The following WWC1 variants were observed in gnomAD, a reference collection of about 807,000 sequenced individuals.
WWC1 encodes protein KIBRA.
WWC1 carries 55 observed loss-of-function variants against 138.4 expected under a neutral mutation model. The observed-to-expected ratio is 0.40, with a 90% CI of 0.32 to 0.50. The LOEUF (loss-of-function observed/expected upper bound fraction) is 0.50, where lower values mean the gene tolerates loss of function less well. Among genes scored for constraint, WWC1 ranks in the 20% least tolerant of loss-of-function variants. The probability of loss-of-function intolerance (pLI) is 0.72; values close to 1 mark genes in which losing one functional copy is unlikely to be tolerated. For missense variants in WWC1, 1,226 were observed against 1,420.4 expected, an observed-to-expected ratio of 0.86 and a Z score of 2.20; for synonymous variants, 524 against 564.9, an observed-to-expected ratio of 0.93 and a Z score of 1.03.
chr5:168,337,654 G>T (rs1773607493), intron 1 of WWC1, among the ~76,000 whole-genome samples: 1 of 152,252 alleles, frequency 6.6e-6, no homozygotes, highest in Admixed American at 6.5e-5. Context: ...GGATCTTATA[G>T]TCTAGTGTTT....
chr5:168,369,446 A>G (rs1183866884), intron 1 of WWC1, among the ~76,000 whole-genome samples: 2 of 152,188 alleles, frequency 1.3e-5, no homozygotes, highest in Non-Finnish European at 1.5e-5. Flanking sequence ...TCTGTTGCCC[A>G]GCTTGTAATG....
At chr5:168,295,137 T>C (rs1359572128) in intron 1 of WWC1, among the ~76,000 whole-genome samples, 1 of 152,172 alleles carries the variant, frequency 6.6e-6, no homozygotes, top group East Asian at 1.9e-4. Flanking sequence ...GCATACCCCA[T>C]TTTTGCCTTT....
intron 13 of WWC1, among the ~76,000 whole-genome samples, chr5:168,429,617 G>A (rs551851949): frequency 1.3e-5 from 2 of 151,984 alleles, no homozygotes; most frequent in Non-Finnish European, 2.9e-5. Flanking sequence ...AATTTCACCC[G>A]CATTTATGGG....
At position 168,444,741 on chromosome 5, in the gene WWC1, T is replaced by G. The variant is rs531803343; in HGVS notation, c.2525+156T>G. Among the ~76,000 whole-genome samples the G allele has an allele frequency of 2.0e-5, 3 of 152,290 alleles. No homozygotes were observed. The South Asian group carries it at 6.2e-4, about 32-fold the overall frequency. On this transcript the variant is annotated intron_variant, in intron 17 of 22. Transcript: ENST00000265293. ...GTTCTCTACAGGCAAAAAGGCAATG[T>G]AACCTAGTACGATGGTTCCCAGAAT...
At chr5:168,387,700 G>A (rs1174530656) in intron 3 of WWC1, among the ~76,000 whole-genome samples, 1 of 152,144 alleles carries the variant, frequency 6.6e-6, no homozygotes, top group African/African-American at 2.4e-5. Flanking sequence ...ATCCCATCGT[G>A]AGGAGCCTAC....
At position 168,394,051 on chromosome 5, in the gene WWC1, G is replaced by A. The variant is rs540451640; in HGVS notation, c.434-3673G>A. Among the ~76,000 whole-genome samples the A allele has an allele frequency of 1.2e-4, 18 of 152,324 alleles. No homozygotes were observed. The South Asian group carries it at 2.7e-3, about 23-fold the overall frequency. On this transcript the variant is annotated intron_variant, in intron 3 of 22. Transcript: ENST00000265293. ...TGAACATCGCTTTCACCAAAAGTAT[G>A]CTATTGCTTTTAGGATGACGGGGAG... is the stretch of plus-strand genomic sequence containing the variant.
At chr5:168,453,269 G>T (rs1422625306) in intron 17 of WWC1, among the ~76,000 whole-genome samples, 2 of 152,032 alleles carry the variant, frequency 1.3e-5, no homozygotes, top group Non-Finnish European at 2.9e-5. Flanking sequence ...ATACAGCATT[G>T]TGGATAAACT....
chr5:168,298,093 C>T (rs979010603), intron 1 of WWC1, among the ~76,000 whole-genome samples: 9 of 151,974 alleles, frequency 5.9e-5, no homozygotes, highest in African/African-American at 9.7e-5. Context: ...GGTTGGAGTG[C>T]GGTGGTGCAA....
intron 3 of WWC1, among the ~76,000 whole-genome samples, chr5:168,397,270 C>G (rs1271071628): frequency 6.6e-6 from 1 of 151,806 alleles, no homozygotes; most frequent in Non-Finnish European, 1.5e-5. Flanking sequence ...AGTCTCCTGA[C>G]TAGCTGGGAC....
At chr5:168,465,315 A>G (rs918244855) in intron 21 of WWC1, among the ~76,000 whole-genome samples, 3 of 152,138 alleles carry the variant, frequency 2.0e-5, no homozygotes, top group Non-Finnish European at 2.9e-5. Flanking sequence ...AAGAGTAACA[A>G]TAGGACACTG....
intron 17 of WWC1, among the ~76,000 whole-genome samples, chr5:168,448,117 A>G (rs889084882): frequency 7.9e-5 from 12 of 152,116 alleles, no homozygotes; most frequent in Admixed American, 5.9e-4. Flanking sequence ...CTTCCCCCAG[A>G]CGCTGTCTTA....
At chr5:168,322,659 C>G in intron 1 of WWC1, among the ~76,000 whole-genome samples, 1 of 152,164 alleles carries the variant, frequency 6.6e-6, no homozygotes, top group East Asian at 1.9e-4. Flanking sequence ...TCAATAATAA[C>G]AGTGGCTTCA....
At position 168,395,646 on chromosome 5, in the gene WWC1, A is replaced by G. The variant is rs141950036; in HGVS notation, c.434-2078A>G. ...AGGAATTAGACACCAGGAGATGAAAACTTTAAATTGGCAATAAAACATCTC... is the reference window on the plus strand; with the variant it reads ...AGGAATTAGACACCAGGAGATGAAAGCTTTAAATTGGCAATAAAACATCTC... On this transcript the variant is annotated intron_variant, in intron 3 of 22. Transcript: ENST00000265293. Among the ~76,000 whole-genome samples, 179 of 152,282 alleles carry G rather than the reference A, an allele frequency of 1.2e-3. 1 individual carries two copies. Among genetic ancestry groups the G allele is most frequent in the Admixed American group, 1.8e-3 (28 of 15,294 alleles).
At chr5:168,315,842 G>A (rs1299955990) in intron 1 of WWC1, among the ~76,000 whole-genome samples, 1 of 152,140 alleles carries the variant, frequency 6.6e-6, no homozygotes, top group African/African-American at 2.4e-5. Flanking sequence ...GCCAGAGGGC[G>A]AGCATCAGAC....
intron 1 of WWC1, among the ~76,000 whole-genome samples, chr5:168,312,203 C>T (rs1234186008): frequency 1.3e-5 from 2 of 148,170 alleles, no homozygotes; most frequent in African/African-American, 5.0e-5. Flanking sequence ...GGTGACAGAA[C>T]GAGACGCCGT....
chr5:168,306,517 C>T (rs986783024), intron 1 of WWC1, among the ~76,000 whole-genome samples: 11 of 152,200 alleles, frequency 7.2e-5, no homozygotes, highest in African/African-American at 2.7e-4. Flanking sequence ...TATTTGGGCT[C>T]CTTTTGCCAT....
Position 168,423,775 on chromosome 5 carries a change from T to C in WWC1, c.1517T>C (p.Val506Ala). 6.2e-7 allele frequency: 1 copy of C among 1,613,860 alleles called. No homozygotes were observed. Among genetic ancestry groups the C allele is most frequent in the East Asian group, 2.2e-5 (1 of 44,872 alleles). Residue 506 changes from valine to alanine, a missense_variant, in exon 11 of 23, where the codon GTG becomes GCG. Physicochemically the swap from Val to Ala is moderately conservative, Grantham distance 64. Around this residue, in one of 3 missense-constraint regions of WWC1, gnomAD observed 1,016 missense variants for 1,153.9 expected, o/e 0.88. Transcript: ENST00000265293. ...ATCACCACCATCCACGAGGATGAGG[T>C]GGCCAAGACCCAGAAGGCAGAGGGA... ...GCITTIHEDE[V>A]AKTQKAEGGG...
At chr5:168,408,185 G>A (rs1388068146) in intron 6 of WWC1, among the ~76,000 whole-genome samples, 1 of 152,000 alleles carries the variant, frequency 6.6e-6, no homozygotes, top group Admixed American at 6.6e-5. Flanking sequence ...TTATAGGAGA[G>A]GAAATTGAGG....
intron 7 of WWC1, 119 bp downstream of exon 7, chr5:168,408,772 G>C: frequency 7.3e-7 from 1 of 1,372,450 alleles, no homozygotes; most frequent in Non-Finnish European, 1.0e-6. Context: ...TCTCTGCAGG[G>C]CTGGCTGCTG....
Sources: allele counts gnomAD v4.1 joint callset (sites outside exome capture counted in the v4.1 genomes callset), GRCh38; gene constraint gnomAD v4.1.1; regional missense constraint gnomAD v4.1.1; transcripts MANE v1.5; gene names NCBI Gene and HGNC (gene_info 2026-07-23, HGNC 2026-07-21).